Variants in ZFP82 observed in about 807,000 individuals in gnomAD.
The protein encoded by ZFP82 is ZFP82 zinc finger protein.
ZFP82 carries 30 observed loss-of-function variants against 54.0 expected under a neutral mutation model. That is an observed-to-expected ratio of 0.56 (90% CI 0.42 to 0.75). The LOEUF is 0.75. ZFP82 is among the 30% of genes least tolerant of loss of function. The pLI is 0.00. For synonymous variants in ZFP82, 194 were observed against 209.5 expected, an observed-to-expected ratio of 0.93 and a Z score of 0.64; for missense variants, 500 against 636.8, an observed-to-expected ratio of 0.79 and a Z score of 2.31.
downstream of ZFP82, among the ~76,000 whole-genome samples, chr19:36,384,761 A>G (rs1326179827): frequency 6.6e-6 from 1 of 152,166 alleles, no homozygotes; most frequent in Non-Finnish European, 1.5e-5. Flanking sequence ...AGCAAAACCT[A>G]ATTTTATTAT....
chr19:36,392,373 C>T lies in ZFP82; in HGVS notation c.*368G>A. 8.1e-6 allele frequency: 1 copy of T among 124,174 alleles called. No individual in the cohort carries two copies. Among genetic ancestry groups the T allele is most frequent in the Non-Finnish European group, 1.9e-5 (1 of 51,406 alleles). 7.7% of individuals were successfully genotyped at this position (124,174 alleles called of 1,614,324 possible). Reference sequence around the variant, plus strand: ...AAGCAGTCACAGAGGGATGTAGATTCCTGTATACAACAGAGGGATGTAGAT... The same window carrying T: ...AAGCAGTCACAGAGGGATGTAGATTTCTGTATACAACAGAGGGATGTAGAT... On this transcript the variant is annotated 3_prime_UTR_variant, in exon 5 of 5. Coordinates refer to ENST00000392161, the MANE Select transcript of ZFP82 (RefSeq NM_133466.4).
At chr19:36,397,690 C>T (rs543553322) in intron 4 of ZFP82, among the ~76,000 whole-genome samples, 32 of 151,818 alleles carry the variant, frequency 2.1e-4, no homozygotes, top group African/African-American at 7.2e-4. Flanking sequence ...CACCTTCAAG[C>T]GATTCTCCTG....
At chr19:36,388,410 T>C (rs2032140089), downstream of ZFP82, among the ~76,000 whole-genome samples, 2 of 152,246 alleles carry the variant, frequency 1.3e-5, no homozygotes, top group South Asian at 4.1e-4. Flanking sequence ...CTATAGATTC[T>C]AGTTTTTAAA....
Position 36,391,267 on chromosome 19 carries a change from A to G in ZFP82, c.*1474T>C, listed in dbSNP as rs954196839. ...GGAAAAAAAAAAGCTCAAAGGTTGG[A>G]GTGGTCATGATAAAAGGACACAGGA... On this transcript the variant is annotated 3_prime_UTR_variant, in exon 5 of 5. Coordinates refer to ENST00000392161, the MANE Select transcript of ZFP82 (RefSeq NM_133466.4). 1 of 151,930 alleles carries G rather than the reference A, an allele frequency of 6.6e-6. No homozygotes were observed. Among genetic ancestry groups the G allele is most frequent in the African/African-American group, 2.4e-5 (1 of 41,384 alleles). The allele number at this position is 151,930 out of a possible 1,614,324, so 9.4% of individuals were successfully genotyped here.
intron 1 of ZFP82, among the ~76,000 whole-genome samples, chr19:36,414,488 C>T (rs1356462082): frequency 6.6e-6 from 1 of 151,752 alleles, no homozygotes; most frequent in African/African-American, 2.4e-5. Context: ...CTCAGCCTCC[C>T]AAGTAACTGG....
intron 4 of ZFP82, among the ~76,000 whole-genome samples, chr19:36,401,433 GTTGT>G (rs1391484363): frequency 2.0e-5 from 3 of 152,154 alleles, no homozygotes; most frequent in African/African-American, 7.2e-5. Flanking sequence ...TATTCACCCA[GTTGT>G]TTAAGCCAAC....
rs1226820254 is a variant in ZFP82 at position 36,389,309 on chromosome 19, AT to A, written c.*3431del. 7.9e-5 allele frequency among the ~76,000 whole-genome samples: 12 copies of A among 152,286 alleles called. No homozygotes were observed. The highest frequency in any genetic ancestry group is 7.2e-4 in the Admixed American group (11 of 15,288). Reference sequence around the variant, plus strand: ...CACCTTGGCCTCCCAAAGTACTGCGATTACAGGCATGAGCCACCACGCCTGG... The same window carrying A: ...CACCTTGGCCTCCCAAAGTACTGCGATACAGGCATGAGCCACCACGCCTGG... On this transcript the variant is annotated 3_prime_UTR_variant, in exon 5 of 5. Coordinates refer to ENST00000392161, the MANE Select transcript of ZFP82 (RefSeq NM_133466.4).
downstream of ZFP82, among the ~76,000 whole-genome samples, chr19:36,384,748 A>G (rs934808628): frequency 6.6e-6 from 1 of 152,214 alleles, no homozygotes; most frequent in Non-Finnish European, 1.5e-5. Context: ...ACATTGTCCT[A>G]TTAGCAAAAC....
rs113215509 is a variant in ZFP82 at position 36,393,158 on chromosome 19, G to T, written c.1182C>A (p.Tyr394Ter). 1.9e-6 allele frequency: 3 copies of T among 1,613,156 alleles called. No homozygotes were observed. Among genetic ancestry groups the T allele is most frequent in the African/African-American group, 2.7e-5 (2 of 74,606 alleles). ...AGGCTTTCCAGCATTCCTTACATTC[G>T]TAAGGTTTTTCACCAGTATGAATTC... ...HHRIHTGEKP[Y>*]ECKECWKAFS... The change falls in exon 5 of 5, where the codon TAC becomes TAA. Residue 394 changes from tyrosine to a stop codon, truncating the protein, a stop_gained. Coordinates refer to ENST00000392161, the MANE Select transcript of ZFP82 (RefSeq NM_133466.4). LOFTEE classifies it high-confidence loss of function.
At position 36,391,213 on chromosome 19, in the gene ZFP82, C is replaced by T. The variant is rs985123507; in HGVS notation, c.*1528G>A. On this transcript the variant is annotated 3_prime_UTR_variant, in exon 5 of 5. Transcript: ENST00000392161. ...TATTTGTTAATAATGCTCTAGTATG[C>T]TCCATAACTAATCAATGCATTTGGT... 1 of 151,630 alleles carries T rather than the reference C, an allele frequency of 6.6e-6. No homozygotes were observed. The highest frequency in any genetic ancestry group is 1.5e-5 in the Non-Finnish European group (1 of 67,940). The allele number at this position is 151,630 out of a possible 1,614,324, so 9.4% of individuals were successfully genotyped here. A position where few individuals can be genotyped will look rare whatever the true frequency, so the allele number is the denominator to read the frequency against.
chr19:36,417,032 C>T (rs2032683913), intron 1 of ZFP82, among the ~76,000 whole-genome samples: 1 of 106,188 alleles, frequency 9.4e-6, no homozygotes, highest in Non-Finnish European at 2.1e-5. Context: ...GAGATTGTGC[C>T]ACTGCACTCC....
chr19:36,408,402 A>C (rs2032521294), intron 2 of ZFP82, among the ~76,000 whole-genome samples: 1 of 152,160 alleles, frequency 6.6e-6, no homozygotes, highest in Admixed American at 6.5e-5. Context: ...TTTTTTTTTA[A>C]AGTCTCCCTC....
At chr19:36,415,940 G>C (rs1357197767) in intron 1 of ZFP82, among the ~76,000 whole-genome samples, 2 of 152,202 alleles carry the variant, frequency 1.3e-5, no homozygotes, top group African/African-American at 4.8e-5. Flanking sequence ...TTCAGTAAAA[G>C]TATACCAAAG....
chr19:36,410,143 G>T (rs2145597265), intron 1 of ZFP82, among the ~76,000 whole-genome samples: 1 of 152,102 alleles, frequency 6.6e-6, no homozygotes, highest in East Asian at 1.9e-4. Context: ...AGATTCACCA[G>T]ACACAAAGAG....
intron 1 of ZFP82, among the ~76,000 whole-genome samples, chr19:36,412,976 C>A (rs1409586504): frequency 6.6e-6 from 1 of 152,186 alleles, no homozygotes. Context: ...GTATTTCCCC[C>A]AAGGACTGGC....
chr19:36,392,622 G>C lies in ZFP82; in HGVS notation c.*119C>G. The stretch of plus-strand genomic sequence containing the variant: ...GAGTGATGATGGACTACAATACATT[G>C]TCACACTCTTTTAATGGTATAAAAC... On this transcript the variant is annotated 3_prime_UTR_variant, in exon 5 of 5. Coordinates refer to ENST00000392161, the MANE Select transcript of ZFP82 (RefSeq NM_133466.4). 2 of 845,014 alleles carry C rather than the reference G, an allele frequency of 2.4e-6. No homozygotes were observed. The highest frequency in any genetic ancestry group is 3.5e-6 in the Non-Finnish European group (2 of 573,650). 52.3% of individuals were successfully genotyped at this position (845,014 alleles called of 1,614,324 possible). A position where few individuals can be genotyped will look rare whatever the true frequency, so the allele number is the denominator to read the frequency against.
At chr19:36,401,964 T>G (rs2032392116) in intron 4 of ZFP82, among the ~76,000 whole-genome samples, 1 of 152,212 alleles carries the variant, frequency 6.6e-6, no homozygotes, top group Non-Finnish European at 1.5e-5. Flanking sequence ...TTATTTATAC[T>G]TTAATCAAAC....
intron 1 of ZFP82, among the ~76,000 whole-genome samples, chr19:36,410,588 C>T (rs1306791120): frequency 2.6e-5 from 4 of 151,864 alleles, no homozygotes; most frequent in Non-Finnish European, 4.4e-5. Context: ...CTGCAACCCC[C>T]GCCACCCGGG....
Position 36,393,270 on chromosome 19 carries a change from T to C in ZFP82, c.1070A>G (p.Gln357Arg). The C allele has an allele frequency of 1.2e-6, 2 of 1,614,020 alleles. No individual in the cohort carries two copies. The highest frequency in any genetic ancestry group is 1.7e-6 in the Non-Finnish European group (2 of 1,179,978). Reference sequence around the variant, plus strand: ...GGGTTTCTCACCAGTATGAATTCTCTGATGGAGTGTTAGTTGTTGTCGCAC... The same window carrying C: ...GGGTTTCTCACCAGTATGAATTCTCCGATGGAGTGTTAGTTGTTGTCGCAC... ...FRVRQQLTLH[Q>R]RIHTGEKPYE... is the part of the protein sequence containing the mutation. The change falls in exon 5 of 5, where the codon CAG becomes CGG. Residue 357 changes from glutamine to arginine, a missense_variant. Gln to Arg is a conservative substitution (Grantham distance 43, BLOSUM62 1). Transcript: ENST00000392161.
Sources: gnomAD v4.1 joint callset for allele counts (sites outside exome capture counted in the v4.1 genomes callset) on GRCh38, gnomAD v4.1.1 for gene constraint, MANE v1.5 for transcripts, NCBI Gene and HGNC (gene_info 2026-07-23, HGNC 2026-07-21) for gene names.